The following GALNT1 variants were observed in gnomAD, a reference collection of about 807,000 sequenced individuals.
The protein encoded by GALNT1 is GalNAc transferase 1.
GALNT1 carries 17 observed loss-of-function variants against 65.7 expected under a neutral mutation model. That is an observed-to-expected ratio of 0.26 (90% CI 0.18 to 0.39). GALNT1 has a LOEUF of 0.39. GALNT1 is among the 10% of genes least tolerant of loss of function. GALNT1 has a pLI of 1.00. For missense variants in GALNT1, 460 were observed against 672.8 expected (o/e 0.68, Z 3.50); for synonymous variants, 210 against 219.7 (o/e 0.96, Z 0.39).
At chr18:35,655,318 G>A (rs1161855611) in intron 2 of GALNT1, among the ~76,000 whole-genome samples, 1 of 150,800 alleles carries the variant, frequency 6.6e-6, no homozygotes, top group African/African-American at 2.4e-5. Flanking sequence ...GAAAAGATTG[G>A]GTGATAGAAT....
intron 1 of GALNT1, among the ~76,000 whole-genome samples, chr18:35,643,253 T>A (rs761686682): frequency 1.2e-4 from 18 of 152,112 alleles, no homozygotes; most frequent in Admixed American, 7.9e-4. Flanking sequence ...AACGCTAAGA[T>A]GTTGCCTAAG....
intron 2 of GALNT1, among the ~76,000 whole-genome samples, chr18:35,660,696 A>G (rs2047466725): frequency 6.6e-6 from 1 of 152,226 alleles, no homozygotes; most frequent in African/African-American, 2.4e-5. Flanking sequence ...TTGCTTTCTA[A>G]TGCTATAAAT....
At chr18:35,659,666 A>G (rs757009212) in intron 2 of GALNT1, among the ~76,000 whole-genome samples, 25 of 152,160 alleles carry the variant, frequency 1.6e-4, no homozygotes, top group Non-Finnish European at 3.5e-4. Flanking sequence ...GCATTTTCAG[A>G]TCATTAAAAT....
chr18:35,646,098 C>G (rs961277257), intron 1 of GALNT1, among the ~76,000 whole-genome samples: 3 of 152,202 alleles, frequency 2.0e-5, no homozygotes, highest in Non-Finnish European at 4.4e-5. Context: ...ACTAGGAGGC[C>G]TCAGGAAACT....
intron 1 of GALNT1, among the ~76,000 whole-genome samples, chr18:35,595,483 A>G (rs968344620): frequency 6.6e-6 from 1 of 152,198 alleles, no homozygotes; most frequent in African/African-American, 2.4e-5. Flanking sequence ...AACTTTTAAC[A>G]GTGGAAGAGC....
At chr18:35,582,427 C>T (rs975161213) in intron 1 of GALNT1, among the ~76,000 whole-genome samples, 1 of 152,162 alleles carries the variant, frequency 6.6e-6, no homozygotes, top group Non-Finnish European at 1.5e-5. Flanking sequence ...AATACGTTGC[C>T]CATTTAAGCA....
chr18:35,610,145 G>A (rs142125035), intron 1 of GALNT1, among the ~76,000 whole-genome samples: 60 of 152,296 alleles, frequency 3.9e-4, no homozygotes, highest in Non-Finnish European at 5.6e-4. Flanking sequence ...AAAGCATGAC[G>A]TAATTGGGCA....
intron 1 of GALNT1, among the ~76,000 whole-genome samples, chr18:35,610,814 G>A (rs111808951): frequency 2.0e-5 from 3 of 152,302 alleles, no homozygotes; most frequent in African/African-American, 7.2e-5. Context: ...AAAGTGAGAA[G>A]TGTGGCATTA....
intron 1 of GALNT1, among the ~76,000 whole-genome samples, chr18:35,601,490 G>T (rs918008199): frequency 6.6e-6 from 1 of 151,318 alleles, no homozygotes; most frequent in Non-Finnish European, 1.5e-5. Flanking sequence ...TGGAATTTTT[G>T]TTCTTGTTTT....
intron 5 of GALNT1, 108 bp downstream of exon 5, chr18:35,683,706 C>G (rs1007296212): frequency 2.3e-6 from 2 of 869,742 alleles, no homozygotes; most frequent in Admixed American, 5.9e-5. Context: ...AATTTCCTCC[C>G]AAGTTTGCTT....
intron 1 of GALNT1, among the ~76,000 whole-genome samples, chr18:35,606,821 T>TTGTTTGTG (rs1409990975): frequency 1.5e-5 from 2 of 135,592 alleles, no homozygotes. Context: ...TGTTGATGTT[T>TTGTTTGTG]TGTGTGTGTG....
chr18:35,661,512 C>CA lies in GALNT1; in HGVS notation c.140-2104dup, dbSNP rs564762610. ...GAGACTCTGTCTTAAAAAAAAAAAT[C>CA]AAAAAAAAAAAATTAAACTCTCATG... On this transcript the variant is annotated intron_variant, in intron 2 of 11. Transcript: ENST00000269195. 7.7e-3 allele frequency among the ~76,000 whole-genome samples: 1,107 copies of CA among 143,688 alleles called. 18 individuals carry two copies. The highest frequency in any genetic ancestry group is 0.024 in the African/African-American group (951 of 39,434). The allele number at this position is 143,688 out of a possible 152,430, so 94.3% of individuals were successfully genotyped here.
intron 9 of GALNT1, among the ~76,000 whole-genome samples, chr18:35,696,594 A>G (rs2048061694): frequency 6.6e-6 from 1 of 152,224 alleles, no homozygotes; most frequent in Non-Finnish European, 1.5e-5. Context: ...TTGCTTTTCC[A>G]GGCAGATCTA....
rs546267825 is a variant in GALNT1 at position 35,645,645 on chromosome 18, T to C, written c.-103-8915T>C. Among the ~76,000 whole-genome samples, 3 of 152,358 alleles carry C rather than the reference T, an allele frequency of 2.0e-5. No individual in the cohort carries two copies. The South Asian group carries it at 6.2e-4, about 32-fold the overall frequency. On this transcript the variant is annotated intron_variant, in intron 1 of 11. Coordinates refer to ENST00000269195, the MANE Select transcript of GALNT1 (RefSeq NM_020474.4). ...ATCAATAATTAGCTCTAATGGTTTA[T>C]CTTTTGATTCTTAAATAATTTCTAT...
Position 35,683,530 on chromosome 18 carries a change from C to T in GALNT1, c.621C>T (p.Phe207=). The T allele has an allele frequency of 6.2e-7, 1 of 1,613,854 alleles. No individual in the cohort carries two copies. The highest frequency in any genetic ancestry group is 8.5e-7 in the Non-Finnish European group (1 of 1,179,860). ...AAVSKGQVIT[F]LDAHCECTVG... is the part of the protein sequence containing the mutation. Reference sequence around the variant, plus strand: ...TGTCTAAAGGCCAAGTGATCACCTTCCTGGATGCCCATTGTGAGTGTACAG... The same window carrying T: ...TGTCTAAAGGCCAAGTGATCACCTTTCTGGATGCCCATTGTGAGTGTACAG... The change falls in exon 5 of 12, where the codon TTC becomes TTT. Residue 207 remains phenylalanine, a synonymous_variant. Transcript: ENST00000269195.
At chr18:35,639,279 C>T (rs778071623) in intron 1 of GALNT1, among the ~76,000 whole-genome samples, 13 of 152,164 alleles carry the variant, frequency 8.5e-5, no homozygotes, top group Non-Finnish European at 1.5e-4. Context: ...CCACCCTGAA[C>T]GATCAGCAGC....
intron 1 of GALNT1, among the ~76,000 whole-genome samples, chr18:35,622,267 T>C (rs2046862774): frequency 6.6e-6 from 1 of 152,100 alleles, no homozygotes; most frequent in African/African-American, 2.4e-5. Context: ...TATTTTTCAT[T>C]AAGAGACAGG....
At chr18:35,657,594 A>G (rs1220024266) in intron 2 of GALNT1, among the ~76,000 whole-genome samples, 1 of 152,196 alleles carries the variant, frequency 6.6e-6, no homozygotes, top group Non-Finnish European at 1.5e-5. Context: ...CTTCCCAGGA[A>G]GTCAGAGTGG....
intron 1 of GALNT1, among the ~76,000 whole-genome samples, chr18:35,623,081 A>T (rs570376458): frequency 6.6e-6 from 1 of 152,294 alleles, no homozygotes; most frequent in Non-Finnish European, 1.5e-5. Context: ...TTGGGTATAC[A>T]TCTTTTAAGA....
Sources: allele counts gnomAD v4.1 joint callset (sites outside exome capture counted in the v4.1 genomes callset), GRCh38; gene constraint gnomAD v4.1.1; transcripts MANE v1.5; gene names NCBI Gene and HGNC (gene_info 2026-07-23, HGNC 2026-07-21).